The following ASB7 variants were observed in gnomAD, a reference collection of about 807,000 sequenced individuals.
ASB7 encodes the protein ankyrin repeat and SOCS box protein 7.
Under a neutral mutation model 32.5 loss-of-function variants are expected in ASB7, and 4 were observed. The observed-to-expected ratio is 0.12, with a 90% confidence interval of 0.06 to 0.28. ASB7 has a LOEUF of 0.28. Ranked by LOEUF, ASB7 falls within the 10% of genes least tolerant of loss-of-function variation. The pLI is 1.00. For missense variants in ASB7, 181 were observed against 407.1 expected (o/e 0.44, Z 4.78); for synonymous variants, 172 against 155.6 (o/e 1.11, Z -0.78).
Position 100,612,084 on chromosome 15 carries a change from G to T in ASB7, c.-51-82G>T, listed in dbSNP as rs182533039. On this transcript the variant is annotated intron_variant, in intron 3 of 5. Transcript: ENST00000332783. ...GTAAGGTTTACTGATGTAGCAAATG[G>T]AATGTTCTGTGATATTTAATAGATG... 3 of 772,670 alleles carry T rather than the reference G, an allele frequency of 3.9e-6. No homozygotes were observed. In the African/African-American group the frequency reaches 5.2e-5, roughly 13 times the overall value. 47.9% of individuals were successfully genotyped at this position (772,670 alleles called of 1,614,324 possible). A position where few individuals can be genotyped will look rare whatever the true frequency, so the allele number is the denominator to read the frequency against.
intron 5 of ASB7, among the ~76,000 whole-genome samples, chr15:100,639,283 A>G (rs915627316): frequency 6.6e-6 from 1 of 152,226 alleles, no homozygotes; most frequent in Non-Finnish European, 1.5e-5. Context: ...ATATCTGAAG[A>G]TACTATTTTA....
At chr15:100,634,665 G>A (rs1404785991) in intron 5 of ASB7, among the ~76,000 whole-genome samples, 2 of 152,162 alleles carry the variant, frequency 1.3e-5, no homozygotes, top group Non-Finnish European at 2.9e-5. Flanking sequence ...TTAGCTGGGT[G>A]TGGTGGCACG....
intron 2 of ASB7, among the ~76,000 whole-genome samples, chr15:100,606,831 A>C (rs191028942): frequency 5.8e-4 from 88 of 152,228 alleles, no homozygotes; most frequent in Middle Eastern, 3.4e-3. Flanking sequence ...CTGAGTCCAC[A>C]AAAACATAAC....
At chr15:100,622,571 A>G (rs1047035855) in intron 4 of ASB7, among the ~76,000 whole-genome samples, 6 of 152,236 alleles carry the variant, frequency 3.9e-5, no homozygotes, top group Non-Finnish European at 8.8e-5. Flanking sequence ...ACAAGGCTCT[A>G]GTAACCAAAA....
intron 5 of ASB7, among the ~76,000 whole-genome samples, chr15:100,638,057 A>C (rs1235555028): frequency 6.6e-6 from 1 of 152,136 alleles, no homozygotes; most frequent in East Asian, 1.9e-4. Context: ...CTAAAATAGT[A>C]AATATAGATA....
At chr15:100,644,945 A>G (rs2141408473) in intron 5 of ASB7, among the ~76,000 whole-genome samples, 1 of 152,370 alleles carries the variant, frequency 6.6e-6, no homozygotes, top group East Asian at 1.9e-4. Context: ...CTGTTAAGAG[A>G]CCACATAGCA....
At chr15:100,604,576 C>T (rs1355461456) in intron 2 of ASB7, among the ~76,000 whole-genome samples, 1 of 152,066 alleles carries the variant, frequency 6.6e-6, no homozygotes, top group Admixed American at 6.5e-5. Context: ...TAAGACATAG[C>T]TAAAGAGATA....
At chr15:100,605,713 G>C (rs1398353436) in intron 2 of ASB7, among the ~76,000 whole-genome samples, 1 of 152,118 alleles carries the variant, frequency 6.6e-6, no homozygotes, top group Non-Finnish European at 1.5e-5. Context: ...AACTTTCTAG[G>C]AATTGACACA....
At chr15:100,628,948 C>T (rs1389402399) in intron 4 of ASB7, among the ~76,000 whole-genome samples, 2 of 152,014 alleles carry the variant, frequency 1.3e-5, no homozygotes, top group Non-Finnish European at 2.9e-5. Context: ...TTTTTTATTA[C>T]TTAATATACC....
intron 2 of ASB7, among the ~76,000 whole-genome samples, chr15:100,604,412 T>C (rs114404946): frequency 0.011 from 1,711 of 152,308 alleles, 42 homozygotes; most frequent in African/African-American, 0.038. Context: ...CTTGTTAATC[T>C]GAGTTATTTT....
chr15:100,612,024 C>T (rs994174636), intron 3 of ASB7, 142 bp from the exon 4 acceptor site: 3 of 579,548 alleles, frequency 5.2e-6, no homozygotes, highest in Non-Finnish European at 9.2e-6. Flanking sequence ...TAGGCTTGCA[C>T]CACCACACCC....
At chr15:100,630,290 A>G (rs1161860304) in intron 5 of ASB7, 1 of 897,700 alleles carries the variant, frequency 1.1e-6, no homozygotes, top group Non-Finnish European at 1.5e-6. Context: ...GAATGGAGAG[A>G]AGGACAGAGA....
chr15:100,627,646 A>G (rs190942703), intron 4 of ASB7, among the ~76,000 whole-genome samples: 44 of 152,352 alleles, frequency 2.9e-4, no homozygotes, highest in Non-Finnish European at 5.4e-4. Flanking sequence ...ATGCAAGTGC[A>G]GTGTTTTGTA....
intron 5 of ASB7, among the ~76,000 whole-genome samples, chr15:100,631,335 A>C (rs976041608): frequency 4.6e-5 from 7 of 152,204 alleles, no homozygotes; most frequent in African/African-American, 1.7e-4. Context: ...TTTAAGTTTA[A>C]ATGGCCACAA....
intron 5 of ASB7, among the ~76,000 whole-genome samples, chr15:100,636,665 A>G (rs771489465): frequency 1.3e-5 from 2 of 152,368 alleles, no homozygotes; most frequent in Admixed American, 6.5e-5. Flanking sequence ...ATAGTCCCCA[A>G]GTCCCTCCGT....
At chr15:100,618,545 C>T (rs554390658) in intron 4 of ASB7, among the ~76,000 whole-genome samples, 3 of 152,282 alleles carry the variant, frequency 2.0e-5, no homozygotes, top group African/African-American at 7.2e-5. Flanking sequence ...AGTGAGTGGA[C>T]TAACTCATAA....
intron 5 of ASB7, chr15:100,645,568 C>A: frequency 1.4e-6 from 1 of 698,706 alleles, no homozygotes; most frequent in South Asian, 1.4e-5. Flanking sequence ...TTCTTGAATC[C>A]CACAGCTTGA....
intron 4 of ASB7, among the ~76,000 whole-genome samples, chr15:100,615,659 G>A (rs1401366573): frequency 6.6e-6 from 1 of 152,176 alleles, no homozygotes; most frequent in Non-Finnish European, 1.5e-5. Flanking sequence ...TCTTCTAGAG[G>A]CCATCTCTTT....
intron 5 of ASB7, among the ~76,000 whole-genome samples, chr15:100,641,928 A>T (rs1440753256): frequency 6.6e-6 from 1 of 152,228 alleles, no homozygotes; most frequent in Non-Finnish European, 1.5e-5. Context: ...AAGGAGCCCA[A>T]GATCACAGAG....
Sources: gnomAD v4.1 joint callset for allele counts (sites outside exome capture counted in the v4.1 genomes callset) on GRCh38, gnomAD v4.1.1 for gene constraint, MANE v1.5 for transcripts, NCBI Gene and HGNC (gene_info 2026-07-23, HGNC 2026-07-21) for gene names.